Variants in RBM25 observed in about 807,000 individuals in gnomAD.
The protein encoded by RBM25 is RNA-binding protein 25.
Under a neutral mutation model 120.7 loss-of-function variants are expected in RBM25, and 19 were observed. That is an observed-to-expected ratio of 0.16 (90% confidence interval 0.11 to 0.23). RBM25 has a LOEUF of 0.23. RBM25 is among the 10% of genes least tolerant of loss of function. The probability of loss-of-function intolerance (pLI) is 1.00; values close to 1 mark genes in which losing one functional copy is unlikely to be tolerated. For synonymous variants in RBM25, 390 were observed against 326.7 expected (o/e 1.19, Z -2.09); for missense variants, 605 against 1,041.5 (o/e 0.58, Z 5.77).
At chr14:73,112,764 T>C (rs1439840089) in intron 17 of RBM25, among the ~76,000 whole-genome samples, 1 of 152,018 alleles carries the variant, frequency 6.6e-6, no homozygotes. Flanking sequence ...GGTATTGTGT[T>C]AGTTTTGTTT....
intron 2 of RBM25, among the ~76,000 whole-genome samples, chr14:73,075,921 C>T (rs540004728): frequency 2.6e-5 from 4 of 152,072 alleles, no homozygotes; most frequent in African/African-American, 7.2e-5. Flanking sequence ...GCTGGAATTA[C>T]AGGCGTGAGC....
chr14:73,114,251 T>G, intron 17 of RBM25, 35 bp from the exon 18 acceptor site: 1 of 1,432,510 alleles, frequency 7.0e-7, no homozygotes, highest in Non-Finnish European at 9.4e-7. Context: ...AATTTTTTAT[T>G]TATTTTTAAT....
At chr14:73,094,711 A>G (rs1408415549) in intron 6 of RBM25, among the ~76,000 whole-genome samples, 1 of 151,978 alleles carries the variant, frequency 6.6e-6, no homozygotes, top group African/African-American at 2.4e-5. Flanking sequence ...TTTTTTTAGT[A>G]GAGACGGGGT....
At chr14:73,104,568 A>G (rs1320463867) in intron 10 of RBM25, among the ~76,000 whole-genome samples, 2 of 151,722 alleles carry the variant, frequency 1.3e-5, no homozygotes, top group African/African-American at 2.4e-5. Flanking sequence ...AGGTTTTGCT[A>G]TGTTGCCCAG....
Position 73,087,564 on chromosome 14 carries a change from T to A in RBM25, c.383-437T>A, listed in dbSNP as rs548060179. 5.1e-3 allele frequency among the ~76,000 whole-genome samples: 778 copies of A among 152,132 alleles called. 7 individuals carry two copies. Among genetic ancestry groups the A allele is most frequent in the Non-Finnish European group, 6.1e-3 (412 of 67,990 alleles). On this transcript the variant is annotated intron_variant, in intron 5 of 18. Coordinates refer to ENST00000261973, the MANE Select transcript of RBM25 (RefSeq NM_021239.3). ...GCGCCCGCCACCGCGCCCGGCTAATTTTTTGTATTTTTAGTAGAGACGGGG... is the reference window on the plus strand; with the variant it reads ...GCGCCCGCCACCGCGCCCGGCTAATATTTTGTATTTTTAGTAGAGACGGGG...
chr14:73,106,470 A>C (rs541599864), intron 12 of RBM25, among the ~76,000 whole-genome samples, 185 bp downstream of exon 12: 5 of 152,252 alleles, frequency 3.3e-5, no homozygotes, highest in Middle Eastern at 3.4e-3. Flanking sequence ...TTCCTCTTCA[A>C]ATTTTTGCTG....
chr14:73,114,434 G>T (rs981422796), intron 18 of RBM25, 101 bp downstream of exon 18: 9 of 807,252 alleles, frequency 1.1e-5, no homozygotes, highest in Non-Finnish European at 1.7e-5. Flanking sequence ...GTTGCCCAGG[G>T]TAGTCTTAAA....
chr14:73,109,564 C>T (rs111490321), intron 14 of RBM25, 72 bp downstream of exon 14: 61 of 1,430,082 alleles, frequency 4.3e-5, no homozygotes, highest in African/African-American at 2.7e-4. Flanking sequence ...GAGGCCGAGG[C>T]GGGCGGATCA....
At chr14:73,062,444 A>G (rs905489210) in intron 1 of RBM25, among the ~76,000 whole-genome samples, 9 of 151,440 alleles carry the variant, frequency 5.9e-5, no homozygotes, top group African/African-American at 1.9e-4. Context: ...TTTGGCACGT[A>G]GTGTACTGAT....
chr14:73,119,610 C>G, intron 18 of RBM25, 103 bp from the exon 19 acceptor site: 2 of 1,560,896 alleles, frequency 1.3e-6, no homozygotes, highest in Non-Finnish European at 1.7e-6. Flanking sequence ...GTAATAAGTG[C>G]TTATTGTCAG....
At chr14:73,083,438 A>C (rs947508927) in intron 4 of RBM25, 56 bp from the exon 5 acceptor site, 1 of 1,359,294 alleles carries the variant, frequency 7.4e-7, no homozygotes, top group Non-Finnish European at 9.9e-7. Flanking sequence ...TTTTAGTTAC[A>C]TTAAAAATTA....
rs901697752 is a variant in RBM25, at chr14:73,099,973, A to G, written c.867+223A>G. The G allele has an allele frequency of 6.9e-6, 4 of 576,606 alleles. No individual in the cohort carries two copies. The African/African-American group carries it at 7.7e-5, about 11-fold the overall frequency. 35.7% of individuals were successfully genotyped at this position (576,606 alleles called of 1,614,324 possible). The stretch of plus-strand genomic sequence containing the variant: ...TTCAGTTACTGACTATTCTGCAGTC[A>G]TCTCACTTTAATATGAATAGAAGCT... On this transcript the variant is annotated intron_variant, in intron 9 of 18. Transcript: ENST00000261973.
chr14:73,114,989 A>G (rs1217230728), intron 18 of RBM25, among the ~76,000 whole-genome samples: 1 of 152,256 alleles, frequency 6.6e-6, no homozygotes, highest in Non-Finnish European at 1.5e-5. Flanking sequence ...AGTAGAACAA[A>G]TGACCTGTAG....
At chr14:73,089,112 G>A (rs991158624) in intron 6 of RBM25, among the ~76,000 whole-genome samples, 7 of 152,034 alleles carry the variant, frequency 4.6e-5, no homozygotes, top group Admixed American at 3.9e-4. Flanking sequence ...TTGTACTCCA[G>A]CCTGGGCAAC....
intron 4 of RBM25, among the ~76,000 whole-genome samples, chr14:73,079,860 T>TA (rs1895517578): frequency 6.6e-6 from 1 of 150,656 alleles, no homozygotes; most frequent in South Asian, 2.1e-4. Context: ...ACTCCATTTT[T>TA]ATTCTTGAGT....
intron 4 of RBM25, among the ~76,000 whole-genome samples, chr14:73,078,984 AT>A: frequency 6.6e-6 from 1 of 152,272 alleles, no homozygotes; most frequent in South Asian, 2.1e-4. Context: ...TGATTGACTG[AT>A]TCCTTTTAAA....
chr14:73,069,732 C>A (rs2140425380), intron 1 of RBM25: 1 of 107,134 alleles, frequency 9.3e-6, no homozygotes, highest in South Asian at 3.5e-4. Context: ...CCGTGCCTGG[C>A]CGACCCTGTT....
At chr14:73,106,854 T>G (rs75348469) in intron 12 of RBM25, among the ~76,000 whole-genome samples, 18 of 151,894 alleles carry the variant, frequency 1.2e-4, no homozygotes, top group South Asian at 2.1e-4. Context: ...TTTTTTTTTT[T>G]TGTGGAGACG....
chr14:73,066,440 A>G (rs1236281066), intron 1 of RBM25, among the ~76,000 whole-genome samples: 1 of 152,166 alleles, frequency 6.6e-6, no homozygotes, highest in Non-Finnish European at 1.5e-5. Flanking sequence ...GTTTGAGACC[A>G]GCCTGGCCAT....
Sources: gnomAD v4.1 joint callset for allele counts (sites outside exome capture counted in the v4.1 genomes callset) on GRCh38, gnomAD v4.1.1 for gene constraint, MANE v1.5 for transcripts, NCBI Gene and HGNC (gene_info 2026-07-23, HGNC 2026-07-21) for gene names.